The following TSBP1 variants were observed in gnomAD, a reference collection of about 807,000 sequenced individuals.
TSBP1 encodes the protein testis expressed basic protein 1.
A neutral mutation model predicts 68.8 loss-of-function variants in TSBP1; 56 were observed. The ratio of observed to expected loss-of-function variants is 0.81; its 90% CI spans 0.66 to 1.02. TSBP1 has a LOEUF of 1.02. Among genes scored for constraint, TSBP1 ranks in the 50% least tolerant of loss-of-function variants. TSBP1 has a pLI of 0.00. For missense variants in TSBP1, 502 were observed against 641.2 expected (o/e 0.78, Z 2.34); for synonymous variants, 171 against 208.7 (o/e 0.82, Z 1.56).
intron 9 of TSBP1, among the ~76,000 whole-genome samples, chr6:32,346,808 C>T (rs1419014904): frequency 6.6e-6 from 1 of 151,954 alleles, no homozygotes; most frequent in Non-Finnish European, 1.5e-5. Flanking sequence ...TGCACTCCAG[C>T]CTGGGTAACG....
chr6:32,367,435 A>G (rs1773881344), intron 4 of TSBP1, among the ~76,000 whole-genome samples: 1 of 152,070 alleles, frequency 6.6e-6, no homozygotes, highest in South Asian at 2.1e-4. Flanking sequence ...CCGTCTTCTC[A>G]TAACTCTCAC....
At position 32,355,146 on chromosome 6, in the gene TSBP1, T is replaced by G; in HGVS notation, c.239-2A>C. The G allele has an allele frequency of 6.2e-7, 1 of 1,612,198 alleles. No individual in the cohort carries two copies. Among genetic ancestry groups the G allele is most frequent in the Non-Finnish European group, 8.5e-7 (1 of 1,179,432 alleles). On this transcript the variant is annotated splice_acceptor_variant, in intron 7 of 22. Transcript: ENST00000612031. LOFTEE classifies it high-confidence loss of function. ...TACCTAGAGAGTTGGTTGATGGTGC[T>G]AAAATACACACACAGAAAACATGAG... is the stretch of plus-strand genomic sequence containing the variant.
In TSBP1 at chr6:32,357,494, A is replaced by G. The variant is rs17208440; in HGVS notation, c.218-1825T>C. ...TAAGTTTCTCTTCTGTAAATTAGGG[A>G]TAACAATAGTAAATTACTTTATTCA... On this transcript the variant is annotated intron_variant, in intron 6 of 22. Transcript: ENST00000612031. The surrounding 1 kb of genome is among the most constrained non-coding windows in gnomAD (Gnocchi z 4.7). Among the ~76,000 whole-genome samples the G allele has an allele frequency of 6.0e-3, 907 of 152,294 alleles. 6 individuals carry two copies. Among genetic ancestry groups the G allele is most frequent in the African/African-American group, 0.02 (837 of 41,560 alleles).
intron 6 of TSBP1, 57 bp downstream of exon 6, chr6:32,366,110 T>C: frequency 6.3e-7 from 1 of 1,595,796 alleles, no homozygotes. Flanking sequence ...TTTTATGTTG[T>C]GGCAGGAAGA....
At chr6:32,323,694 T>C in intron 16 of TSBP1, 80 bp from the exon 18 acceptor site, 1 of 1,291,602 alleles carries the variant, frequency 7.7e-7, no homozygotes, top group African/African-American at 1.5e-5. Flanking sequence ...TTCTTCTTGG[T>C]AGGTCATTAT....
chr6:32,328,203 G>C (rs1768493354), intron 16 of TSBP1, among the ~76,000 whole-genome samples: 2 of 151,682 alleles, frequency 1.3e-5, no homozygotes, highest in South Asian at 4.2e-4. Context: ...GGGCCTCCCA[G>C]AGTGCTGGGA....
intron 15 of TSBP1, among the ~76,000 whole-genome samples, chr6:32,331,259 A>G (rs1768982855): frequency 6.6e-6 from 1 of 151,896 alleles, no homozygotes; most frequent in African/African-American, 2.4e-5. Flanking sequence ...AGCTATCTTT[A>G]TGTTCTTGTT....
At chr6:32,300,966 A>G (rs923577531) in intron 20 of TSBP1, among the ~76,000 whole-genome samples, 26 of 152,242 alleles carry the variant, frequency 1.7e-4, no homozygotes, top group Admixed American at 1.1e-3. Flanking sequence ...TATAAAATAT[A>G]GGACATATAA....
At position 32,349,687 on chromosome 6, in the gene TSBP1, T is replaced by C. The variant is rs1583136851; in HGVS notation, c.349+53A>G. ...TGGGAAGTTTAGGAAGATATCCTCT[T>C]GATTAAATGGGGCTAAATGTCAGCA... On this transcript the variant is annotated intron_variant, in intron 9 of 22. Coordinates refer to ENST00000612031, the Ensembl canonical transcript of TSBP1. The C allele has an allele frequency of 2.7e-6, 3 of 1,092,458 alleles. No individual in the cohort carries two copies. In the East Asian group the frequency reaches 7.1e-5, roughly 26 times the overall value. The allele number at this position is 1,092,458 out of a possible 1,614,324, so 67.7% of individuals were successfully genotyped here.
intron 20 of TSBP1, among the ~76,000 whole-genome samples, chr6:32,301,710 A>T (rs9268159): frequency 0.13 from 2,772 of 22,134 alleles, 81 homozygotes; most frequent in African/African-American, 0.24. Flanking sequence ...ACGCTGTTTT[A>T]AAAAAAAAAA....
intron 4 of TSBP1, among the ~76,000 whole-genome samples, chr6:32,367,243 A>AGAGAGAGAGAGAGAG (rs1773845910): frequency 7.7e-6 from 1 of 130,662 alleles, no homozygotes; most frequent in Non-Finnish European, 1.7e-5. Context: ...GAGGGAAGGA[A>AGAGAGAGAGAGAGAG]AGAGAGAGAG....
In TSBP1 at chr6:32,324,677, T is replaced by C. The variant is rs972638451; in HGVS notation, c.515-1063A>G. The C allele has an allele frequency of 1.9e-6, 3 of 1,550,762 alleles. No individual in the cohort carries two copies. In the African/African-American group the frequency reaches 4.1e-5, roughly 21 times the overall value. ...TTACTGATTGTGTGAGGATGCGATCTGACTGAAAAACAAGCAAAGATACTT... is the reference window on the plus strand; with the variant it reads ...TTACTGATTGTGTGAGGATGCGATCCGACTGAAAAACAAGCAAAGATACTT... On this transcript the variant is annotated intron_variant, in intron 16 of 22. Coordinates refer to ENST00000612031, the Ensembl canonical transcript of TSBP1.
chr6:32,326,936 G>A (rs576454083), intron 16 of TSBP1, among the ~76,000 whole-genome samples: 1 of 152,274 alleles, frequency 6.6e-6, no homozygotes, highest in Non-Finnish European at 1.5e-5. Context: ...AAATCCTGCA[G>A]GGGATTGGTA....
intron 6 of TSBP1, among the ~76,000 whole-genome samples, chr6:32,364,413 TG>T (rs1192820178): frequency 3.2e-5 from 4 of 125,128 alleles, no homozygotes; most frequent in African/African-American, 9.6e-5. Context: ...CTTTTCTTTG[TG>T]GTTTTTTTTT....
chr6:32,342,050 CTT>C (rs10689236), intron 9 of TSBP1, among the ~76,000 whole-genome samples: 4 of 120,278 alleles, frequency 3.3e-5, no homozygotes, highest in Non-Finnish European at 5.6e-5. Flanking sequence ...AAAATGTGTT[CTT>C]TTTTTTTTTT....
chr6:32,301,841 G>A lies in TSBP1; in HGVS notation c.601+768C>T, dbSNP rs142390501. 6.6e-3 allele frequency among the ~76,000 whole-genome samples: 998 copies of A among 151,600 alleles called. 18 individuals carry two copies. Among genetic ancestry groups the A allele is most frequent in the East Asian group, 0.02 (101 of 5,170 alleles). Reference sequence around the variant, plus strand: ...TGGGAGTTGGCAAAATACAGCCCATGGAATAAATCTAGTTTTTCCATATAA... The same window carrying A: ...TGGGAGTTGGCAAAATACAGCCCATAGAATAAATCTAGTTTTTCCATATAA... On this transcript the variant is annotated intron_variant, in intron 20 of 22. Coordinates refer to ENST00000612031, the Ensembl canonical transcript of TSBP1.
rs577954987 is a variant in TSBP1 at position 32,296,095 on chromosome 6, C to T, written c.638-2060G>A. Among the ~76,000 whole-genome samples the T allele has an allele frequency of 1.4e-4, 21 of 152,024 alleles. 1 individual carries two copies. In the East Asian group the frequency reaches 3.7e-3, roughly 27 times the overall value. On this transcript the variant is annotated intron_variant, in intron 22 of 22. Transcript: ENST00000612031. ...CTGACCTCAGGTGATCCACCTGCCT[C>T]GGCCTCCCAAAGTGCTGGGATTACA...
intron 1 of TSBP1, 106 bp downstream of exon 1, chr6:32,371,588 G>A: frequency 2.4e-6 from 2 of 832,288 alleles, no homozygotes; most frequent in East Asian, 2.4e-5. Flanking sequence ...TGAAAAGGAA[G>A]CAGGCAAGGA....
intron 9 of TSBP1, among the ~76,000 whole-genome samples, chr6:32,345,234 T>G (rs4959092): frequency 0.33 from 50,036 of 150,200 alleles, 9,432 homozygotes; most frequent in Middle Eastern, 0.51. Flanking sequence ...TAAACTTTCC[T>G]TAGTTTCCCT....
Sources: allele counts gnomAD v4.1 joint callset (sites outside exome capture counted in the v4.1 genomes callset), GRCh38; gene constraint gnomAD v4.1.1; non-coding constraint Gnocchi (gnomAD v3.1); transcripts MANE v1.5; gene names NCBI Gene and HGNC (gene_info 2026-07-23, HGNC 2026-07-21).